TBC1D22A: variants seen among roughly 807,000 people sequenced by gnomAD.
TBC1D22A encodes putative GTPase activator.
In TBC1D22A, 38 loss-of-function variants were observed where a neutral mutation model predicts 60.2. That is an observed-to-expected ratio of 0.63 (90% CI 0.49 to 0.83). The LOEUF is 0.83. Among genes scored for constraint, TBC1D22A ranks in the 40% least tolerant of loss-of-function variants. TBC1D22A has a pLI of 0.00. For missense variants in TBC1D22A, 628 were observed against 701.0 expected, an observed-to-expected ratio of 0.90 and a Z score of 1.18; for synonymous variants, 302 against 281.7, an observed-to-expected ratio of 1.07 and a Z score of -0.72.
chr22:46,862,306 C>T (rs556975112), intron 4 of TBC1D22A, among the ~76,000 whole-genome samples: 1 of 152,212 alleles, frequency 6.6e-6, no homozygotes, highest in Non-Finnish European at 1.5e-5. Flanking sequence ...CTGTAGATCT[C>T]GGGTATGTGA....
At chr22:46,980,323 C>T (rs1435017929) in intron 9 of TBC1D22A, among the ~76,000 whole-genome samples, 1 of 152,186 alleles carries the variant, frequency 6.6e-6, no homozygotes, top group Non-Finnish European at 1.5e-5. Context: ...GCTAGGACTA[C>T]AGGTGCCCAC....
chr22:46,941,495 CACGGAATATATAT>C (rs1389917645), intron 8 of TBC1D22A, among the ~76,000 whole-genome samples: 26 of 137,598 alleles, frequency 1.9e-4, no homozygotes, highest in Admixed American at 1.1e-3. Flanking sequence ...AATATATATA[CACGGAATATATAT>C]ACGGAATATA....
chr22:47,022,157 T>G (rs186217061), intron 10 of TBC1D22A, among the ~76,000 whole-genome samples: 7 of 152,328 alleles, frequency 4.6e-5, no homozygotes, highest in African/African-American at 1.7e-4. Context: ...ATGTTAATGA[T>G]CTCCAAACAA....
At chr22:46,871,984 C>T (rs1602247509) in intron 4 of TBC1D22A, among the ~76,000 whole-genome samples, 1 of 152,180 alleles carries the variant, frequency 6.6e-6, no homozygotes, top group South Asian at 2.1e-4. Context: ...GGAGACATCA[C>T]TACAGATCCT....
chr22:46,787,351 C>G (rs2084202705), intron 1 of TBC1D22A, among the ~76,000 whole-genome samples: 1 of 152,192 alleles, frequency 6.6e-6, no homozygotes, highest in African/African-American at 2.4e-5. Flanking sequence ...TGGAGTCCTG[C>G]TATGGTTCTG....
chr22:47,088,366 A>G (rs1284439762), intron 11 of TBC1D22A, among the ~76,000 whole-genome samples: 1 of 152,184 alleles, frequency 6.6e-6, no homozygotes, highest in Non-Finnish European at 1.5e-5. Flanking sequence ...CTCTTGGGTC[A>G]TGCCAAGAGC....
At chr22:46,856,564 T>C (rs950726569) in intron 4 of TBC1D22A, among the ~76,000 whole-genome samples, 5 of 152,168 alleles carry the variant, frequency 3.3e-5, no homozygotes, top group African/African-American at 7.2e-5. Flanking sequence ...ATCAATGATA[T>C]TGAAGGAAAA....
intron 1 of TBC1D22A, 111 bp downstream of exon 1, chr22:46,762,959 T>C (rs2083152393): frequency 2.0e-6 from 2 of 1,011,532 alleles, no homozygotes; most frequent in Admixed American, 3.9e-5. Context: ...CAACTTGGAC[T>C]CTGAGGAGAC....
intron 4 of TBC1D22A, among the ~76,000 whole-genome samples, chr22:46,831,963 C>CG (rs397797810): frequency 1.3e-5 from 2 of 152,080 alleles, no homozygotes; most frequent in African/African-American, 2.4e-5. Flanking sequence ...CCTTTCCCCC[C>CG]TCATTATTAT....
chr22:46,982,776 C>T (rs555766205), intron 9 of TBC1D22A, among the ~76,000 whole-genome samples: 32 of 152,186 alleles, frequency 2.1e-4, no homozygotes, highest in Non-Finnish European at 4.3e-4. Context: ...TAGGTGGTGG[C>T]GGGACAGGCA....
At chr22:46,991,583 A>T (rs2074942013) in intron 9 of TBC1D22A, among the ~76,000 whole-genome samples, 1 of 152,212 alleles carries the variant, frequency 6.6e-6, no homozygotes, top group African/African-American at 2.4e-5. Flanking sequence ...AAGCGCGTGT[A>T]GTCACTTTGC....
intron 6 of TBC1D22A, 100 bp from the exon 7 acceptor site, chr22:46,894,684 C>A: frequency 1.4e-6 from 2 of 1,393,424 alleles, no homozygotes; most frequent in Non-Finnish European, 2.0e-6. Flanking sequence ...GGGGTAGAGG[C>A]CGGGGAAGGA....
At chr22:47,034,317 C>T (rs749491649) in intron 10 of TBC1D22A, among the ~76,000 whole-genome samples, 2 of 152,086 alleles carry the variant, frequency 1.3e-5, no homozygotes, top group African/African-American at 2.4e-5. Context: ...TGTGTGGTGC[C>T]GCGTCCTTGT....
At chr22:46,950,881 GT>G (rs2072861673) in intron 8 of TBC1D22A, among the ~76,000 whole-genome samples, 1 of 152,322 alleles carries the variant, frequency 6.6e-6, no homozygotes, top group South Asian at 2.1e-4. Context: ...TACCAGTGTA[GT>G]TTTAATTCTG....
At chr22:47,031,036 T>C (rs2062456226) in intron 10 of TBC1D22A, among the ~76,000 whole-genome samples, 1 of 152,234 alleles carries the variant, frequency 6.6e-6, no homozygotes, top group South Asian at 2.1e-4. Flanking sequence ...TCTGGATGGA[T>C]GTCCCATGGG....
chr22:46,882,230 T>C (rs1353880488), intron 5 of TBC1D22A, among the ~76,000 whole-genome samples: 4 of 152,146 alleles, frequency 2.6e-5, no homozygotes, highest in Admixed American at 6.5e-5. Context: ...TCTAGCATGC[T>C]GTGAACCATG....
At chr22:47,040,068 T>C (rs909109847) in intron 11 of TBC1D22A, among the ~76,000 whole-genome samples, 1 of 149,884 alleles carries the variant, frequency 6.7e-6, no homozygotes, top group Non-Finnish European at 1.5e-5. Flanking sequence ...CCTCAGCCTC[T>C]TGAGTAGCTG....
At chr22:46,862,177 C>T (rs1179724449) in intron 4 of TBC1D22A, among the ~76,000 whole-genome samples, 2 of 152,184 alleles carry the variant, frequency 1.3e-5, no homozygotes, top group Non-Finnish European at 2.9e-5. Context: ...GGGTGGAACG[C>T]GGTATGGAAC....
intron 11 of TBC1D22A, among the ~76,000 whole-genome samples, chr22:47,087,212 T>G (rs2064734911): frequency 6.6e-6 from 1 of 152,200 alleles, no homozygotes; most frequent in African/African-American, 2.4e-5. Context: ...CAAACAAAAT[T>G]AAAGAATAAA....
Sources: gnomAD v4.1 joint callset for allele counts (sites outside exome capture counted in the v4.1 genomes callset) on GRCh38, gnomAD v4.1.1 for gene constraint, MANE v1.5 for transcripts, NCBI Gene and HGNC (gene_info 2026-07-23, HGNC 2026-07-21) for gene names.